ABLIM2: variants seen among roughly 807,000 people sequenced by gnomAD.
ABLIM2 encodes actin binding LIM protein family member 2.
Under a neutral mutation model 97.7 loss-of-function variants are expected in ABLIM2, and 53 were observed. The observed-to-expected ratio is 0.54, with a 90% confidence interval of 0.44 to 0.68. The LOEUF is 0.68. Ranked by LOEUF, ABLIM2 falls within the 30% of genes least tolerant of loss-of-function variation. The probability of loss-of-function intolerance (pLI) is 0.00; values close to 1 mark genes in which losing one functional copy is unlikely to be tolerated. For synonymous variants in ABLIM2, 361 were observed against 345.8 expected (o/e 1.04, Z -0.49); for missense variants, 835 against 867.2 (o/e 0.96, Z 0.47).
chr4:8,007,905 T>G, intron 16 of ABLIM2, 154 bp downstream of exon 16: 4 of 1,456,440 alleles, frequency 2.7e-6, no homozygotes, highest in Non-Finnish European at 2.7e-6. Context: ...AGCCCCATAT[T>G]TCCTTCCGGT....
At chr4:8,048,798 C>T (rs895384467) in intron 8 of ABLIM2, among the ~76,000 whole-genome samples, 1 of 152,186 alleles carries the variant, frequency 6.6e-6, no homozygotes, top group Non-Finnish European at 1.5e-5. Flanking sequence ...ACAGGACCAG[C>T]CCGGCCAGTC....
chr4:8,076,026 C>T (rs965747552), intron 6 of ABLIM2, among the ~76,000 whole-genome samples: 6 of 152,222 alleles, frequency 3.9e-5, no homozygotes, highest in African/African-American at 1.4e-4. Context: ...TTGCAAACTT[C>T]CTCACATCAA....
In ABLIM2 at chr4:8,091,351, AATT is replaced by A. The variant is rs1561326089; in HGVS notation, c.339-3070_339-3068del. Among the ~76,000 whole-genome samples the A allele has an allele frequency of 1.0e-4, 2 of 19,418 alleles. 1 individual carries two copies. Among genetic ancestry groups the A allele is most frequent in the Non-Finnish European group, 2.2e-4 (2 of 9,276 alleles). 12.7% of individuals were successfully genotyped at this position (19,418 alleles called of 152,430 possible). A position where few individuals can be genotyped will look rare whatever the true frequency, so the allele number is the denominator to read the frequency against. ...TATATTATATATATAATATATATATAATTATATATATATTATATTACATATAAT... is the reference window on the plus strand; with the variant it reads ...TATATTATATATATAATATATATATAATATATATATTATATTACATATAAT... On this transcript the variant is annotated intron_variant, in intron 3 of 20. Coordinates refer to ENST00000447017, the MANE Select transcript of ABLIM2 (RefSeq NM_001130083.2).
intron 5 of ABLIM2, 68 bp downstream of exon 5, chr4:8,080,608 A>T: frequency 6.9e-7 from 1 of 1,456,724 alleles, no homozygotes; most frequent in Non-Finnish European, 9.2e-7. Context: ...ACACGTGCAG[A>T]GTGTGGGACC....
intron 8 of ABLIM2, among the ~76,000 whole-genome samples, chr4:8,048,832 C>G (rs1030741120): frequency 2.6e-5 from 4 of 152,182 alleles, no homozygotes; most frequent in African/African-American, 9.7e-5. Flanking sequence ...CTGAAGTCAC[C>G]CAGCCCCTGG....
chr4:8,091,864 T>C (rs1828920821), intron 3 of ABLIM2, among the ~76,000 whole-genome samples: 1 of 113,290 alleles, frequency 8.8e-6, no homozygotes, highest in Non-Finnish European at 1.7e-5. Context: ...CAATATATTA[T>C]ATATACAATA....
At chr4:8,142,701 A>G (rs991030724) in intron 1 of ABLIM2, among the ~76,000 whole-genome samples, 1 of 152,154 alleles carries the variant, frequency 6.6e-6, no homozygotes, top group Non-Finnish European at 1.5e-5. Flanking sequence ...GGGCTCCTGA[A>G]TCAGCGGCCT....
rs1191034092 is a variant in ABLIM2 at position 8,021,802 on chromosome 4, G to C, written c.1268-1499C>G. ...TAACTTTGAGCATTTTCTCGTGCTT[G>C]GGCATGGGTGCTGATTTTGCCTGTC... On this transcript the variant is annotated intron_variant, in intron 12 of 20. Transcript: ENST00000447017. This position sits in a 1 kb window ranked among gnomAD's most constrained non-coding sequence, Gnocchi z 5.5. Among the ~76,000 whole-genome samples, 3 of 152,232 alleles carry C rather than the reference G, an allele frequency of 2.0e-5. No homozygotes were observed. The highest frequency in any genetic ancestry group is 4.8e-5 in the African/African-American group (2 of 41,462).
intron 19 of ABLIM2, 73 bp downstream of exon 19, chr4:7,983,474 A>C (rs1740625624): frequency 1.2e-6 from 2 of 1,601,740 alleles, no homozygotes; most frequent in East Asian, 2.2e-5. Flanking sequence ...TAGGTAAAGC[A>C]CAACAGAAAG....
chr4:8,008,962 A>T, intron 15 of ABLIM2, 88 bp downstream of exon 15: 1 of 1,480,180 alleles, frequency 6.8e-7, no homozygotes, highest in Non-Finnish European at 9.4e-7. Context: ...TAAGAGGAAG[A>T]TTCGAAGTCT....
chr4:8,083,158 T>G lies in ABLIM2; in HGVS notation c.455-2356A>C, dbSNP rs994629297. ...TCCCCGGCTCCAAGCCTCTGTTGGC[T>G]TCTCTGCATGTCAAGGGAGCACAGC... On this transcript the variant is annotated intron_variant, in intron 4 of 20. Coordinates refer to ENST00000447017, the MANE Select transcript of ABLIM2 (RefSeq NM_001130083.2). The surrounding 1 kb of genome is among the most constrained non-coding windows in gnomAD (Gnocchi z 4.6). 6.6e-6 allele frequency among the ~76,000 whole-genome samples: 1 copy of G among 152,148 alleles called. No homozygotes were observed. The highest frequency in any genetic ancestry group is 2.4e-5 in the African/African-American group (1 of 41,436).
At position 8,129,003 on chromosome 4, in the gene ABLIM2, G is replaced by A. The variant is rs538754455; in HGVS notation, c.11-22366C>T. ...CTATGAGGCTTCGTTGAGCTGCACCGAGACCACACATCCTACCTGGCTGCC... is the reference window on the plus strand; with the variant it reads ...CTATGAGGCTTCGTTGAGCTGCACCAAGACCACACATCCTACCTGGCTGCC... On this transcript the variant is annotated intron_variant, in intron 1 of 20. Coordinates refer to ENST00000447017, the MANE Select transcript of ABLIM2 (RefSeq NM_001130083.2). Among the ~76,000 whole-genome samples, 183 of 143,894 alleles carry A rather than the reference G, an allele frequency of 1.3e-3. 1 individual carries two copies. Among genetic ancestry groups the A allele is most frequent in the Non-Finnish European group, 2.2e-3 (141 of 64,614 alleles). The allele number at this position is 143,894 out of a possible 152,430, so 94.4% of individuals were successfully genotyped here.
In ABLIM2 at chr4:8,158,673, C is replaced by G. The variant is rs1222641864; in HGVS notation, c.10+7G>C. On this transcript the variant is annotated splice_region_variant and intron_variant, in intron 1 of 20. Transcript: ENST00000447017. Reference sequence around the variant, plus strand: ...GACCCGTTGGTCCCTCGGTCCCCAGCACCCACCTGCACTCATCTCAGCAGC... The same window carrying G: ...GACCCGTTGGTCCCTCGGTCCCCAGGACCCACCTGCACTCATCTCAGCAGC... 4 of 1,489,738 alleles carry G rather than the reference C, an allele frequency of 2.7e-6. No homozygotes were observed. Among genetic ancestry groups the G allele is most frequent in the Admixed American group, 2.2e-5 (1 of 45,100 alleles). The allele number at this position is 1,489,738 out of a possible 1,614,324, so 92.3% of individuals were successfully genotyped here. A position where few individuals can be genotyped will look rare whatever the true frequency, so the allele number is the denominator to read the frequency against.
At chr4:8,056,150 T>C (rs1291514418) in intron 7 of ABLIM2, among the ~76,000 whole-genome samples, 2 of 123,736 alleles carry the variant, frequency 1.6e-5, no homozygotes, top group African/African-American at 2.9e-5. Context: ...GTAACAGATG[T>C]CTCTTATTAA....
rs956309164 is a variant in ABLIM2 at position 8,071,770 on chromosome 4, T to C, written c.675+5858A>G. On this transcript the variant is annotated intron_variant, in intron 6 of 20. Coordinates refer to ENST00000447017, the MANE Select transcript of ABLIM2 (RefSeq NM_001130083.2). This position sits in a 1 kb window ranked among gnomAD's most constrained non-coding sequence, Gnocchi z 6.2. ...GGAGTTGCGGGCCAGGTTTCCTACC[T>C]GCACAGCTTCTGGGCACCAGAGCCC... The C allele has an allele frequency of 4.1e-6, 4 of 978,436 alleles. No homozygotes were observed. Among genetic ancestry groups the C allele is most frequent in the Non-Finnish European group, 4.8e-6 (4 of 827,954 alleles). 60.6% of individuals were successfully genotyped at this position (978,436 alleles called of 1,614,324 possible). A position where few individuals can be genotyped will look rare whatever the true frequency, so the allele number is the denominator to read the frequency against.
intron 20 of ABLIM2, among the ~76,000 whole-genome samples, chr4:7,978,408 G>A (rs533815349): frequency 6.6e-6 from 1 of 152,310 alleles, no homozygotes; most frequent in South Asian, 2.1e-4. Context: ...ATTTACAAAT[G>A]TTAACCACTT....
Position 8,001,061 on chromosome 4 carries a change from G to A in ABLIM2, c.1618+6998C>T, listed in dbSNP as rs1756836881. Among the ~76,000 whole-genome samples, 1 of 152,212 alleles carries A rather than the reference G, an allele frequency of 6.6e-6. No individual in the cohort carries two copies. The highest frequency in any genetic ancestry group is 1.5e-5 in the Non-Finnish European group (1 of 68,028). On this transcript the variant is annotated intron_variant, in intron 16 of 20. Transcript: ENST00000447017. This position sits in a 1 kb window ranked among gnomAD's most constrained non-coding sequence, Gnocchi z 4.2. ...TCCTGGGTGCACGGGCAGGAGGTTT[G>A]GAGGCTGTGGCACTGCACAGGTTCG...
chr4:7,998,613 G>T lies in ABLIM2; in HGVS notation c.1619-5686C>A, dbSNP rs1391746772. 2.0e-6 allele frequency: 1 copy of T among 499,720 alleles called. No individual in the cohort carries two copies. Among genetic ancestry groups the T allele is most frequent in the Non-Finnish European group, 4.0e-6 (1 of 250,660 alleles). The allele number at this position is 499,720 out of a possible 1,614,324, so 31.0% of individuals were successfully genotyped here. A position where few individuals can be genotyped will look rare whatever the true frequency, so the allele number is the denominator to read the frequency against. ...ACTGCGGGGTGCCTGCTGGCCACCT[G>T]CCCATCTGCTAGTGTGGCTGCAGGA... is the stretch of plus-strand genomic sequence containing the variant. On this transcript the variant is annotated intron_variant, in intron 16 of 20. Transcript: ENST00000447017. The surrounding 1 kb of genome is among the most constrained non-coding windows in gnomAD (Gnocchi z 6.4).
In ABLIM2 at chr4:7,996,793, A is replaced by G. The variant is rs1753626722; in HGVS notation, c.1619-3866T>C. On this transcript the variant is annotated intron_variant, in intron 16 of 20. Coordinates refer to ENST00000447017, the MANE Select transcript of ABLIM2 (RefSeq NM_001130083.2). The surrounding 1 kb of genome is among the most constrained non-coding windows in gnomAD (Gnocchi z 4.5). The stretch of plus-strand genomic sequence containing the variant: ...TTCATGCGGACAGTTCTGCTCTTTC[A>G]GCACGTGAAAGACGTCAGGACACTT... 6.6e-6 allele frequency among the ~76,000 whole-genome samples: 1 copy of G among 152,182 alleles called. No individual in the cohort carries two copies. Among genetic ancestry groups the G allele is most frequent in the South Asian group, 2.1e-4 (1 of 4,832 alleles).
Sources: gnomAD v4.1 joint callset for allele counts (sites outside exome capture counted in the v4.1 genomes callset) on GRCh38, gnomAD v4.1.1 for gene constraint, Gnocchi (gnomAD v3.1) non-coding constraint, MANE v1.5 for transcripts, NCBI Gene and HGNC (gene_info 2026-07-23, HGNC 2026-07-21) for gene names.